The following RBMS3 variants were observed in gnomAD, a reference collection of about 807,000 sequenced individuals.
RBMS3 encodes the protein RNA binding motif single stranded interacting protein 3.
In RBMS3, 27 loss-of-function variants were observed where a neutral mutation model predicts 66.8. The observed-to-expected ratio is 0.40, with a 90% CI of 0.30 to 0.56. The LOEUF (loss-of-function observed/expected upper bound fraction) is 0.56, where lower values mean the gene tolerates loss of function less well. Among genes scored for constraint, RBMS3 ranks in the 20% least tolerant of loss-of-function variants. RBMS3 has a pLI of 0.40. For missense variants in RBMS3, 513 were observed against 549.5 expected, an observed-to-expected ratio of 0.93 and a Z score of 0.66; for synonymous variants, 188 against 183.0, an observed-to-expected ratio of 1.03 and a Z score of -0.22.
At chr3:29,412,231 G>A (rs1159196713) in intron 1 of RBMS3, among the ~76,000 whole-genome samples, 3 of 152,140 alleles carry the variant, frequency 2.0e-5, no homozygotes, top group African/African-American at 4.8e-5. Flanking sequence ...TGAAATGGGT[G>A]GGTGTATTCT....
intron 3 of RBMS3, among the ~76,000 whole-genome samples, chr3:29,574,249 G>C (rs2047037021): frequency 6.6e-6 from 1 of 152,082 alleles, no homozygotes; most frequent in Non-Finnish European, 1.5e-5. Context: ...CCAGTGTTGG[G>C]TGCACATATA....
intron 6 of RBMS3, among the ~76,000 whole-genome samples, chr3:29,827,831 A>G (rs558452047): frequency 1.7e-4 from 26 of 152,318 alleles, no homozygotes; most frequent in African/African-American, 6.0e-4. Flanking sequence ...GGCAGGCTAC[A>G]TAAAACAGAC....
chr3:29,366,865 T>G (rs2037937697), intron 1 of RBMS3, among the ~76,000 whole-genome samples: 4 of 152,194 alleles, frequency 2.6e-5, no homozygotes, highest in Admixed American at 6.5e-5. Flanking sequence ...TTTTAAAAAA[T>G]CTATAGCTTG....
chr3:29,437,228 G>A (rs904967943), intron 2 of RBMS3, among the ~76,000 whole-genome samples: 28 of 152,298 alleles, frequency 1.8e-4, no homozygotes, highest in African/African-American at 6.5e-4. Flanking sequence ...CTGCAAATCA[G>A]AGCTTTTTAA....
intron 4 of RBMS3, among the ~76,000 whole-genome samples, chr3:29,678,450 A>T (rs374122849): frequency 1.3e-5 from 2 of 152,140 alleles, no homozygotes; most frequent in African/African-American, 4.8e-5. Flanking sequence ...TTAATATTCC[A>T]TTACTTGTGA....
chr3:29,541,363 G>A (rs57703620), intron 3 of RBMS3, among the ~76,000 whole-genome samples: 1 of 152,040 alleles, frequency 6.6e-6, no homozygotes, highest in Non-Finnish European at 1.5e-5. Context: ...TCCTAACTTA[G>A]TAAAAGTCAA....
At chr3:29,650,120 C>G (rs1467605766) in intron 4 of RBMS3, among the ~76,000 whole-genome samples, 1 of 152,124 alleles carries the variant, frequency 6.6e-6, no homozygotes, top group East Asian at 1.9e-4. Flanking sequence ...AGAGATGTTA[C>G]TTGATTTCAT....
At chr3:29,321,759 C>A (rs1472665387) in intron 1 of RBMS3, among the ~76,000 whole-genome samples, 1 of 152,024 alleles carries the variant, frequency 6.6e-6, no homozygotes, top group Non-Finnish European at 1.5e-5. Context: ...ATTTGTACAT[C>A]TGTGAAGGTC....
At chr3:29,713,987 A>G (rs141800631) in intron 4 of RBMS3, among the ~76,000 whole-genome samples, 2 of 152,220 alleles carry the variant, frequency 1.3e-5, no homozygotes, top group African/African-American at 4.8e-5. Context: ...TTCGGGAAGC[A>G]AAGGTTGCAG....
chr3:29,677,036 A>C (rs117669720), intron 4 of RBMS3, among the ~76,000 whole-genome samples: 2,574 of 152,270 alleles, frequency 0.017, 65 homozygotes, highest in East Asian at 0.12. Flanking sequence ...GCAAAGCAGA[A>C]GCAGGCGTCT....
At chr3:29,710,905 C>T (rs2053134943) in intron 4 of RBMS3, among the ~76,000 whole-genome samples, 1 of 152,240 alleles carries the variant, frequency 6.6e-6, no homozygotes, top group African/African-American at 2.4e-5. Flanking sequence ...ACAGCCATTA[C>T]TATACATGCC....
Position 29,605,945 on chromosome 3 carries a change from T to A in RBMS3, c.399+18740T>A, listed in dbSNP as rs982205320. Among the ~76,000 whole-genome samples the A allele has an allele frequency of 2.6e-5, 4 of 151,384 alleles. No individual in the cohort carries two copies. The Admixed American group carries it at 2.6e-4, about 10-fold the overall frequency. On this transcript the variant is annotated intron_variant, in intron 4 of 14. Transcript: ENST00000383767. The stretch of plus-strand genomic sequence containing the variant: ...CTTGCATTTTCCCCTCTTTCTGGCT[T>A]TGTTAAGACATGAAACAAGGTAGTT...
intron 4 of RBMS3, among the ~76,000 whole-genome samples, chr3:29,699,729 C>T (rs762084149): frequency 3.9e-5 from 6 of 152,126 alleles, no homozygotes; most frequent in South Asian, 2.1e-4. Context: ...TTATCCATAA[C>T]GTACAGACAT....
intron 4 of RBMS3, among the ~76,000 whole-genome samples, chr3:29,636,038 A>ATG (rs10565409): frequency 0.013 from 1,901 of 145,320 alleles, 30 homozygotes; most frequent in African/African-American, 0.042. Flanking sequence ...GTCATCAAGA[A>ATG]TGTGTGTGTG....
intron 2 of RBMS3, among the ~76,000 whole-genome samples, chr3:29,450,254 T>A (rs2041970351): frequency 6.6e-6 from 1 of 152,138 alleles, no homozygotes; most frequent in South Asian, 2.1e-4. Context: ...TGACCACTGG[T>A]ATAGTGGCTG....
At chr3:29,883,724 A>G (rs1302461135) in intron 7 of RBMS3, among the ~76,000 whole-genome samples, 2 of 152,040 alleles carry the variant, frequency 1.3e-5, no homozygotes, top group Non-Finnish European at 2.9e-5. Context: ...ATTTTTAAAT[A>G]AATACTTTTT....
chr3:29,662,717 C>A (rs542538949), intron 4 of RBMS3, among the ~76,000 whole-genome samples: 1 of 152,252 alleles, frequency 6.6e-6, no homozygotes, highest in African/African-American at 2.4e-5. Context: ...CTTAAACTGC[C>A]CTTCTACAGA....
At chr3:29,439,609 AT>A (rs1289322606) in intron 2 of RBMS3, among the ~76,000 whole-genome samples, 1 of 151,178 alleles carries the variant, frequency 6.6e-6, no homozygotes, top group Non-Finnish European at 1.5e-5. Flanking sequence ...TTATTTATTT[AT>A]TTTTATTATT....
chr3:29,369,492 AC>A (rs2038081171), intron 1 of RBMS3, among the ~76,000 whole-genome samples: 5 of 18,598 alleles, frequency 2.7e-4, no homozygotes, highest in Middle Eastern at 0.038. Context: ...TCCTTAACAC[AC>A]ACACACACAC....
Sources: allele counts gnomAD v4.1 joint callset (sites outside exome capture counted in the v4.1 genomes callset), GRCh38; gene constraint gnomAD v4.1.1; transcripts MANE v1.5; gene names NCBI Gene and HGNC (gene_info 2026-07-23, HGNC 2026-07-21).